The following PKLR variants were observed in gnomAD, a reference collection of about 807,000 sequenced individuals.
PKLR encodes the protein pyruvate kinase L/R.
In PKLR, 38 loss-of-function variants were observed where a neutral mutation model predicts 53.6. The ratio of observed to expected loss-of-function variants is 0.71; its 90% CI spans 0.55 to 0.93. The LOEUF (loss-of-function observed/expected upper bound fraction) is 0.93, where lower values mean the gene tolerates loss of function less well. Among genes scored for constraint, PKLR ranks in the 40% least tolerant of loss-of-function variants. PKLR has a pLI of 0.00. For synonymous variants in PKLR, 328 were observed against 316.2 expected (o/e 1.04, Z -0.39); for missense variants, 702 against 787.3 (o/e 0.89, Z 1.30).
intron 2 of PKLR, among the ~76,000 whole-genome samples, chr1:155,298,489 C>T (rs1385545162): frequency 3.3e-5 from 5 of 150,234 alleles, no homozygotes; most frequent in African/African-American, 9.8e-5. Context: ...CCACCATGCC[C>T]GGATAATTTT....
upstream of PKLR, among the ~76,000 whole-genome samples, chr1:155,304,616 G>A (rs1026917959): frequency 3.9e-5 from 6 of 152,142 alleles, no homozygotes; most frequent in Non-Finnish European, 7.4e-5. Context: ...CAAAACAGCC[G>A]TGGAGAGGGC....
In PKLR at chr1:155,295,856, G is replaced by A. The variant is rs2990219; in HGVS notation, c.284-100C>T. ...TCTCAGAACGCCTCACGCCACAGGC[G>A]TCCTGTTACCTGATCTTTATTCCCT... On this transcript the variant is annotated intron_variant, in intron 2 of 10. Coordinates refer to ENST00000342741, the MANE Select transcript of PKLR (RefSeq NM_000298.6). The surrounding 1 kb of genome is among the most constrained non-coding windows in gnomAD (Gnocchi z 4.3). 1.7e-5 allele frequency: 17 copies of A among 975,306 alleles called. No individual in the cohort carries two copies. Among genetic ancestry groups the A allele is most frequent in the Middle Eastern group, 2.1e-4 (1 of 4,874 alleles). 60.4% of individuals were successfully genotyped at this position (975,306 alleles called of 1,614,324 possible). A position where few individuals can be genotyped will look rare whatever the true frequency, so the allele number is the denominator to read the frequency against.
At chr1:155,301,273 T>C in intron 1 of PKLR, 23 bp downstream of exon 1, 3 of 1,613,580 alleles carry the variant, frequency 1.9e-6, no homozygotes, top group African/African-American at 1.3e-5. Flanking sequence ...CTATGTTCCA[T>C]GGCTTCTGTC....
At chr1:155,307,772 T>C in the PKLR span, among the ~76,000 whole-genome samples, 1 of 151,940 alleles carries the variant, frequency 6.6e-6, no homozygotes, top group African/African-American at 2.4e-5. Flanking sequence ...AGGTCAGGAG[T>C]TCGAGACCAG....
At chr1:155,304,031 C>A (rs542447948), upstream of PKLR, among the ~76,000 whole-genome samples, 18 of 152,030 alleles carry the variant, frequency 1.2e-4, no homozygotes, top group Admixed American at 1.2e-3. Context: ...AGGGTCGTGG[C>A]CCATAGTGAA....
At chr1:155,296,060 T>C (rs1187181195) in intron 2 of PKLR, among the ~76,000 whole-genome samples, 1 of 152,194 alleles carries the variant, frequency 6.6e-6, no homozygotes, top group Non-Finnish European at 1.5e-5. Context: ...CTTGCCCGGC[T>C]ACCCCAGGGT....
In PKLR at chr1:155,295,972, G is replaced by A. The variant is rs1459355561; in HGVS notation, c.284-216C>T. 6.6e-6 allele frequency among the ~76,000 whole-genome samples: 1 copy of A among 152,166 alleles called. No individual in the cohort carries two copies. Among genetic ancestry groups the A allele is most frequent in the Non-Finnish European group, 1.5e-5 (1 of 68,020 alleles). On this transcript the variant is annotated intron_variant, in intron 2 of 10. Transcript: ENST00000342741. This position sits in a 1 kb window ranked among gnomAD's most constrained non-coding sequence, Gnocchi z 4.3. ...GGAGGCAGCAGTGTGGAAATCGGAG[G>A]GGAGTGCCCTCCGCCAGGCCTGAGG... is the stretch of plus-strand genomic sequence containing the variant.
At chr1:155,306,056 C>T (rs1648226104), upstream of PKLR, among the ~76,000 whole-genome samples, 1 of 152,128 alleles carries the variant, frequency 6.6e-6, no homozygotes, top group Non-Finnish European at 1.5e-5. This position sits in a 1 kb window ranked among gnomAD's most constrained non-coding sequence, Gnocchi z 4.2. Context: ...CAAAGCAGCC[C>T]GTGTCCTGTC....
At chr1:155,298,831 C>T (rs1647755312) in intron 2 of PKLR, among the ~76,000 whole-genome samples, 1 of 150,182 alleles carries the variant, frequency 6.7e-6, no homozygotes, top group Non-Finnish European at 1.5e-5. Context: ...TTAGTAGAAA[C>T]AGAGTTTCAC....
exon 1 of PKLR, chr1:155,301,433 TGAGAGG>T: frequency 6.2e-7 from 1 of 1,613,816 alleles, no homozygotes; most frequent in Non-Finnish European, 8.5e-7. Context: ...GACCATGGAA[TGAGAGG>T]GAGAGGATGA....
chr1:155,293,117 C>T lies in PKLR; in HGVS notation c.1436+60G>A. On this transcript the variant is annotated intron_variant, in intron 9 of 10. Transcript: ENST00000342741. This position sits in a 1 kb window ranked among gnomAD's most constrained non-coding sequence, Gnocchi z 4.2. Reference sequence around the variant, plus strand: ...GACCAGACTAAACCCAAGCCTGGGGCCCGTCCCAGCCCACCCCTGACCCAA... The same window carrying T: ...GACCAGACTAAACCCAAGCCTGGGGTCCGTCCCAGCCCACCCCTGACCCAA... The T allele has an allele frequency of 3.3e-6, 5 of 1,536,810 alleles. No homozygotes were observed. Among genetic ancestry groups the T allele is most frequent in the Non-Finnish European group, 4.5e-6 (5 of 1,109,586 alleles).
At chr1:155,308,616 G>A in the PKLR span, 3 of 985,468 alleles carry the variant, frequency 3.0e-6, no homozygotes, top group South Asian at 4.7e-5. Context: ...CAAAGCCACA[G>A]CGGGGACGTT....
chr1:155,290,826 T>C (rs1674499322), intron 10 of PKLR, 148 bp from the exon 11 acceptor site: 2 of 653,118 alleles, frequency 3.1e-6, no homozygotes, highest in African/African-American at 1.8e-5. Flanking sequence ...TTGTCTCTAC[T>C]GAAAATACAA....
intron 1 of PKLR, chr1:155,300,862 C>T (rs750231028): frequency 1.2e-6 from 2 of 1,610,518 alleles, no homozygotes; most frequent in African/African-American, 1.3e-5. Context: ...TTCAGAGGAG[C>T]CCCCGATTCC....
chr1:155,299,004 TTCTTTCTTTCTTTC>T (rs1647792996), intron 2 of PKLR, among the ~76,000 whole-genome samples: 1 of 101,086 alleles, frequency 9.9e-6, no homozygotes. Context: ...CTTTCTTTCT[TTCTTTCTTTCTTTC>T]TTTCTTTCTT....
chr1:155,290,989 AAAT>A (rs201306934), intron 10 of PKLR, among the ~76,000 whole-genome samples: 10,909 of 133,912 alleles, frequency 0.081, 471 homozygotes, highest in African/African-American at 0.12. Flanking sequence ...CTCCATCTCA[AAAT>A]AATAATAATA....
intron 5 of PKLR, 106 bp from the exon 6 acceptor site, chr1:155,294,858 C>T: frequency 7.4e-7 from 1 of 1,351,798 alleles, no homozygotes; most frequent in Admixed American, 1.9e-5. Flanking sequence ...GAACCATGTC[C>T]TCCTCATCTC....
Position 155,290,194 on chromosome 1 carries a change from C to T in PKLR, c.*378G>A, listed in dbSNP as rs1674469916. 3.4e-6 allele frequency: 1 copy of T among 292,990 alleles called. No individual in the cohort carries two copies. Among genetic ancestry groups the T allele is most frequent in the South Asian group, 4.0e-5 (1 of 24,894 alleles). 18.1% of individuals were successfully genotyped at this position (292,990 alleles called of 1,614,324 possible). ...GACTGTGGACAAGATTGCCCTGTCT[C>T]CCCTCTCCCCCACCCCAAGGGATGG... On this transcript the variant is annotated 3_prime_UTR_variant, in exon 11 of 11. Coordinates refer to ENST00000342741, the MANE Select transcript of PKLR (RefSeq NM_000298.6).
chr1:155,304,317 C>T (rs1234819388), upstream of PKLR, among the ~76,000 whole-genome samples: 2 of 151,638 alleles, frequency 1.3e-5, no homozygotes, highest in African/African-American at 4.8e-5. Context: ...GCCTGTAATC[C>T]CAGCTACTTG....
Sources: gnomAD v4.1 joint callset for allele counts (sites outside exome capture counted in the v4.1 genomes callset) on GRCh38, gnomAD v4.1.1 for gene constraint, Gnocchi (gnomAD v3.1) non-coding constraint, MANE v1.5 for transcripts, NCBI Gene and HGNC (gene_info 2026-07-23, HGNC 2026-07-21) for gene names.